The following BAIAP2 variants were observed in gnomAD, a reference collection of about 807,000 sequenced individuals.
BAIAP2 encodes the protein BAR/IMD domain containing adaptor protein 2, also known as BAR/IMD domain-containing adapter protein 2.
BAIAP2 carries 18 observed loss-of-function variants against 63.0 expected under a neutral mutation model. That is an observed-to-expected ratio of 0.29 (90% CI 0.20 to 0.42). The LOEUF (loss-of-function observed/expected upper bound fraction) is 0.42. BAIAP2 is among the 10% of genes least tolerant of loss of function. The probability of loss-of-function intolerance (pLI) is 1.00; values close to 1 mark genes in which losing one functional copy is unlikely to be tolerated. For synonymous variants in BAIAP2, 386 were observed against 307.6 expected, an observed-to-expected ratio of 1.25 and a Z score of -2.67; for missense variants, 610 against 734.3, an observed-to-expected ratio of 0.83 and a Z score of 1.96.
At chr17:81,038,698 G>A (rs1012800012) in intron 1 of BAIAP2, among the ~76,000 whole-genome samples, 1 of 152,254 alleles carries the variant, frequency 6.6e-6, no homozygotes, top group Non-Finnish European at 1.5e-5. Flanking sequence ...GGCGTCATGT[G>A]CTGGGTGGCA....
rs117461931 is a variant in BAIAP2 at position 81,071,355 on chromosome 17, G to A, written c.217+13388G>A. Among the ~76,000 whole-genome samples, 32 of 152,270 alleles carry A rather than the reference G, an allele frequency of 2.1e-4. 1 individual carries two copies. The highest frequency in any genetic ancestry group is 3.9e-4 in the East Asian group (2 of 5,156). On this transcript the variant is annotated intron_variant, in intron 3 of 13. Transcript: ENST00000428708. Reference sequence around the variant, plus strand: ...GCCCCCTGGCCATCTGTCCTTCCCCGTGATGAGGGCGCTCTGTTCGAGCCC... The same window carrying A: ...GCCCCCTGGCCATCTGTCCTTCCCCATGATGAGGGCGCTCTGTTCGAGCCC...
intron 2 of BAIAP2, among the ~76,000 whole-genome samples, chr17:81,054,331 G>A (rs939965717): frequency 3.3e-5 from 5 of 150,762 alleles, no homozygotes; most frequent in African/African-American, 7.3e-5. Flanking sequence ...AACTGTGCCC[G>A]GGCCCCGTGG....
chr17:81,048,790 C>T (rs989646565), intron 1 of BAIAP2, among the ~76,000 whole-genome samples: 2 of 152,162 alleles, frequency 1.3e-5, no homozygotes, highest in Non-Finnish European at 2.9e-5. Context: ...GCCTGGATTC[C>T]ATGCGACTCC....
intron 3 of BAIAP2, among the ~76,000 whole-genome samples, chr17:81,081,678 C>T (rs890442598): frequency 6.6e-6 from 1 of 152,206 alleles, no homozygotes; most frequent in Non-Finnish European, 1.5e-5. Context: ...GGGTAGGGCC[C>T]ATGTCCTCTC....
chr17:81,095,338 C>T (rs1234814093), intron 6 of BAIAP2, among the ~76,000 whole-genome samples: 2 of 152,192 alleles, frequency 1.3e-5, no homozygotes, highest in Admixed American at 1.3e-4. Flanking sequence ...CCGTATAGGT[C>T]ATCCCCGTCC....
At chr17:81,039,391 C>T (rs931681522) in intron 1 of BAIAP2, among the ~76,000 whole-genome samples, 1 of 152,216 alleles carries the variant, frequency 6.6e-6, no homozygotes, top group African/African-American at 2.4e-5. Flanking sequence ...CCAGCGTTCG[C>T]TTGGTGTCCC....
rs2060575908 is a variant in BAIAP2 at position 81,117,369 on chromosome 17, A to G, written c.*1530A>G. The G allele has an allele frequency of 6.6e-6, 1 of 152,320 alleles. No homozygotes were observed. Among genetic ancestry groups the G allele is most frequent in the African/African-American group, 2.4e-5 (1 of 41,456 alleles). 9.4% of individuals were successfully genotyped at this position (152,320 alleles called of 1,614,324 possible). A position where few individuals can be genotyped will look rare whatever the true frequency, so the allele number is the denominator to read the frequency against. ...CATTGCACCAGCGTTCTAAGCCTCA[A>G]ACAAAACACAAAACAAATCCCCCTG... On this transcript the variant is annotated 3_prime_UTR_variant, in exon 14 of 14. Transcript: ENST00000428708.
At position 81,099,982 on chromosome 17, in the gene BAIAP2, G is replaced by T; in HGVS notation, c.544G>T (p.Gly182Cys). The T allele has an allele frequency of 6.2e-7, 1 of 1,613,438 alleles. No individual in the cohort carries two copies. The highest frequency in any genetic ancestry group is 8.5e-7 in the Non-Finnish European group (1 of 1,179,972). The change falls in exon 7 of 14, where the codon GGC (glycine) becomes TGC (cysteine). Residue 182 changes from glycine (G) to cysteine (C), a missense_variant. Gly to Cys is a radical substitution (Grantham distance 159). Transcript: ENST00000428708. ...QGELENYVSD[G>C]YKTALTEERR... ...CGAGCTGGAGAATTACGTGTCCGAC[G>T]GCTACAAGACCGCACTGACAGAGGA...
chr17:81,101,704 G>A (rs1033106363), intron 7 of BAIAP2, among the ~76,000 whole-genome samples: 7 of 152,260 alleles, frequency 4.6e-5, no homozygotes, highest in Admixed American at 2.6e-4. Flanking sequence ...ACAGCCAGGA[G>A]ACAAGTGCTC....
chr17:81,115,474 CGCCCCACCCCGCCCT>C (rs1175420502), intron 13 of BAIAP2, among the ~76,000 whole-genome samples: 1 of 149,478 alleles, frequency 6.7e-6, no homozygotes, highest in African/African-American at 2.6e-5. Flanking sequence ...TGGCCTGCCC[CGCCCCACCCCGCCCT>C]GCCCTGCCCA....
At chr17:81,071,533 C>G (rs895825933) in intron 3 of BAIAP2, among the ~76,000 whole-genome samples, 2 of 152,226 alleles carry the variant, frequency 1.3e-5, no homozygotes, top group Non-Finnish European at 2.9e-5. Flanking sequence ...GCACAGAGCC[C>G]CTCTTCCACC....
intron 3 of BAIAP2, among the ~76,000 whole-genome samples, chr17:81,076,730 C>T (rs2053722986): frequency 6.6e-6 from 1 of 152,172 alleles, no homozygotes; most frequent in African/African-American, 2.4e-5. Flanking sequence ...TACCTGTAAT[C>T]CCAGCACTTT....
Position 81,116,408 on chromosome 17 carries a change from C to G in BAIAP2, c.*569C>G. ...CTCGGTGGGGCTCTCCTGGGCCCCT[C>G]ACTCCCACTGGCAATGTCACAAGGG... On this transcript the variant is annotated 3_prime_UTR_variant, in exon 14 of 14. Transcript: ENST00000428708. The G allele has an allele frequency of 6.9e-7, 1 of 1,456,280 alleles. No homozygotes were observed. Among genetic ancestry groups the G allele is most frequent in the South Asian group, 1.2e-5 (1 of 80,860 alleles). The allele number at this position is 1,456,280 out of a possible 1,614,324, so 90.2% of individuals were successfully genotyped here.
In BAIAP2 at chr17:81,036,834, G is replaced by C. The variant is rs530722604; in HGVS notation, c.54+1526G>C. 4 of 1,506,070 alleles carry C rather than the reference G, an allele frequency of 2.7e-6. No individual in the cohort carries two copies. The African/African-American group carries it at 5.5e-5, about 21-fold the overall frequency. The allele number at this position is 1,506,070 out of a possible 1,614,324, so 93.3% of individuals were successfully genotyped here. Reference sequence around the variant, plus strand: ...AGGTTTATTAAATTATTAGTCATTAGCTCCATTACGACTTGTTTGTGATTG... The same window carrying C: ...AGGTTTATTAAATTATTAGTCATTACCTCCATTACGACTTGTTTGTGATTG... On this transcript the variant is annotated intron_variant, in intron 1 of 13. Coordinates refer to ENST00000428708, the MANE Select transcript of BAIAP2 (RefSeq NM_001144888.2).
chr17:81,071,766 C>T (rs59330431), intron 3 of BAIAP2, among the ~76,000 whole-genome samples: 3,873 of 152,362 alleles, frequency 0.025, 68 homozygotes, highest in Non-Finnish European at 0.04. Context: ...CGCACCGCCA[C>T]GAGCTGCTGT....
chr17:81,050,743 G>A (rs1014100404), intron 1 of BAIAP2, among the ~76,000 whole-genome samples: 2 of 151,290 alleles, frequency 1.3e-5, no homozygotes, highest in Non-Finnish European at 2.9e-5. Context: ...ACATGCACAC[G>A]TGGACACACA....
rs1415316858 is a variant in BAIAP2 at position 81,107,036 on chromosome 17, G to A, written c.1500+129G>A. ...GTCTGGGTCTTTGGACAGCCCTGGGGTGAAGGCTGCATGATTTGGGAATGT... is the reference window on the plus strand; with the variant it reads ...GTCTGGGTCTTTGGACAGCCCTGGGATGAAGGCTGCATGATTTGGGAATGT... On this transcript the variant is annotated intron_variant, in intron 12 of 13. Transcript: ENST00000428708. The A allele has an allele frequency of 3.5e-6, 4 of 1,145,572 alleles. No individual in the cohort carries two copies. The African/African-American group carries it at 4.8e-5, about 14-fold the overall frequency. The allele number at this position is 1,145,572 out of a possible 1,614,324, so 71.0% of individuals were successfully genotyped here. A position where few individuals can be genotyped will look rare whatever the true frequency, so the allele number is the denominator to read the frequency against.
At chr17:81,100,438 G>A (rs1598781378) in intron 7 of BAIAP2, among the ~76,000 whole-genome samples, 2 of 152,154 alleles carry the variant, frequency 1.3e-5, no homozygotes, top group Admixed American at 6.5e-5. Flanking sequence ...GCTGGGTGCC[G>A]GAGTCCCGGT....
chr17:81,077,261 C>G (rs1341093621), intron 3 of BAIAP2, among the ~76,000 whole-genome samples: 3 of 152,144 alleles, frequency 2.0e-5, no homozygotes, highest in Non-Finnish European at 2.9e-5. Flanking sequence ...TCGATCCCCA[C>G]ACCGGCCACA....
Sources: gnomAD v4.1 joint callset for allele counts (sites outside exome capture counted in the v4.1 genomes callset) on GRCh38, gnomAD v4.1.1 for gene constraint, MANE v1.5 for transcripts, NCBI Gene and HGNC (gene_info 2026-07-23, HGNC 2026-07-21) for gene names.